TNS3: variants seen among roughly 807,000 people sequenced by gnomAD.
TNS3 encodes the protein tensin-3.
In TNS3, 45 loss-of-function variants were observed where a neutral mutation model predicts 140.9. That is an observed-to-expected ratio of 0.32 (90% CI 0.25 to 0.41). TNS3 has a LOEUF of 0.41. TNS3 is among the 10% of genes least tolerant of loss of function. The pLI is 1.00. For synonymous variants in TNS3, 815 were observed against 788.4 expected, an observed-to-expected ratio of 1.03 and a Z score of -0.56; for missense variants, 1,716 against 1,906.7, an observed-to-expected ratio of 0.90 and a Z score of 1.86.
chr7:47,302,247 G>C lies in TNS3; in HGVS notation c.3483C>G (p.Ile1161Met), dbSNP rs1425843690. Residue 1161 changes from isoleucine (I) to methionine (M), a missense_variant, in exon 23 of 31, where the codon ATC (isoleucine) becomes ATG (methionine). Physicochemically the swap from Ile to Met is conservative, Grantham distance 10. Coordinates refer to ENST00000311160, the MANE Select transcript of TNS3 (RefSeq NM_022748.12). Reference sequence around the variant, plus strand: ...TGGAAGTGTCTTGAACAAATTTCACGATCACAAGTTTATCACCTGGACTAT... The same window carrying C: ...TGGAAGTGTCTTGAACAAATTTCACCATCACAAGTTTATCACCTGGACTAT... Reference protein sequence around the residue: ...LPDSPGDKLVIVKFVQDTSKF... With the variant: ...LPDSPGDKLVMVKFVQDTSKF... 6.2e-7 allele frequency: 1 copy of C among 1,614,160 alleles called. No homozygotes were observed. The highest frequency in any genetic ancestry group is 1.7e-5 in the Admixed American group (1 of 60,028).
intron 2 of TNS3, among the ~76,000 whole-genome samples, chr7:47,517,153 T>C (rs1798805154): frequency 6.6e-6 from 1 of 152,218 alleles, no homozygotes; most frequent in African/African-American, 2.4e-5. Flanking sequence ...CACAGTGTCA[T>C]GGGGTGTGCC....
At chr7:47,557,383 CACT>C (rs968893771) in intron 1 of TNS3, among the ~76,000 whole-genome samples, 1 of 152,192 alleles carries the variant, frequency 6.6e-6, no homozygotes, top group Admixed American at 6.5e-5. Flanking sequence ...TCTGTCCCAA[CACT>C]ACTATTTAAC....
chr7:47,414,194 A>T (rs1419488626), intron 11 of TNS3, among the ~76,000 whole-genome samples, 197 bp from the exon 12 acceptor site: 1 of 152,160 alleles, frequency 6.6e-6, no homozygotes, highest in African/African-American at 2.4e-5. Context: ...CTGCAGAGCA[A>T]CACAGTTTGA....
At chr7:47,493,662 CAAAAAAA>C (rs58803590) in intron 3 of TNS3, among the ~76,000 whole-genome samples, 2 of 118,874 alleles carry the variant, frequency 1.7e-5, no homozygotes, top group South Asian at 2.8e-4. Context: ...ACTAAAAATA[CAAAAAAA>C]AAAAAAAAAA....
At chr7:47,541,137 A>C (rs1425360746) in intron 1 of TNS3, among the ~76,000 whole-genome samples, 2 of 152,128 alleles carry the variant, frequency 1.3e-5, no homozygotes, top group East Asian at 3.9e-4. Context: ...AGGTGACGGG[A>C]GATTGGTCAT....
chr7:47,422,281 T>C (rs2151465525), intron 10 of TNS3, among the ~76,000 whole-genome samples: 1 of 152,272 alleles, frequency 6.6e-6, no homozygotes, highest in Admixed American at 6.5e-5. Flanking sequence ...GCTTCAAATG[T>C]GCAATGACGG....
At chr7:47,581,431 C>G (rs1784531927) in intron 1 of TNS3, 1 of 151,926 alleles carries the variant, frequency 6.6e-6, no homozygotes, top group African/African-American at 2.4e-5. Flanking sequence ...AAGAGACGCA[C>G]TGGAGAGCTT....
intron 17 of TNS3, among the ~76,000 whole-genome samples, chr7:47,354,663 C>G (rs1161015166): frequency 6.6e-6 from 1 of 151,912 alleles, no homozygotes; most frequent in Non-Finnish European, 1.5e-5. Context: ...GTACTCAGTG[C>G]AGAAATCTCA....
At chr7:47,334,898 C>G (rs762671395) in intron 20 of TNS3, among the ~76,000 whole-genome samples, 1 of 151,968 alleles carries the variant, frequency 6.6e-6, no homozygotes, top group Non-Finnish European at 1.5e-5. Context: ...TGAGCCACTG[C>G]GCCTGGCGAG....
At chr7:47,560,886 G>A (rs1800307260) in intron 1 of TNS3, among the ~76,000 whole-genome samples, 1 of 152,190 alleles carries the variant, frequency 6.6e-6, no homozygotes, top group Non-Finnish European at 1.5e-5. Context: ...GTGACCTTGT[G>A]TGACCCCCAC....
intron 4 of TNS3, 46 bp downstream of exon 4, chr7:47,481,057 C>T (rs752552517): frequency 6.1e-5 from 78 of 1,284,560 alleles, no homozygotes; most frequent in Non-Finnish European, 7.6e-5. Flanking sequence ...GGACTTAGTC[C>T]TTTCTTGGAT....
intron 1 of TNS3, among the ~76,000 whole-genome samples, chr7:47,568,779 G>T (rs978310944): frequency 6.6e-6 from 1 of 152,240 alleles, no homozygotes; most frequent in Non-Finnish European, 1.5e-5. Flanking sequence ...TGGCACCCAC[G>T]TGATACCCTG....
intron 1 of TNS3, among the ~76,000 whole-genome samples, chr7:47,576,324 T>A (rs754442069): frequency 5.3e-5 from 8 of 151,988 alleles, no homozygotes; most frequent in Non-Finnish European, 8.8e-5. Flanking sequence ...ACCCCTGAGC[T>A]CCGGAACCAG....
At chr7:47,478,135 G>C (rs1197290541) in intron 4 of TNS3, among the ~76,000 whole-genome samples, 1 of 152,178 alleles carries the variant, frequency 6.6e-6, no homozygotes. Flanking sequence ...GCACGCCCAC[G>C]GGCTGATCTC....
intron 20 of TNS3, among the ~76,000 whole-genome samples, chr7:47,324,195 C>G (rs1376755184): frequency 6.6e-6 from 1 of 152,178 alleles, no homozygotes; most frequent in Non-Finnish European, 1.5e-5. Context: ...TTTATCTGTC[C>G]TTGTACCAGC....
chr7:47,286,029 A>G (rs1266210219), intron 27 of TNS3, among the ~76,000 whole-genome samples: 1 of 152,204 alleles, frequency 6.6e-6, no homozygotes, highest in Non-Finnish European at 1.5e-5. Context: ...GGAGAATTCA[A>G]AACAGACTTC....
chr7:47,384,874 C>T (rs535494675), intron 16 of TNS3, among the ~76,000 whole-genome samples: 1 of 152,362 alleles, frequency 6.6e-6, no homozygotes, highest in East Asian at 1.9e-4. Context: ...CATGCCCCTG[C>T]TGATGTGCAT....
At chr7:47,548,492 T>C (rs1284328680) in intron 1 of TNS3, among the ~76,000 whole-genome samples, 3 of 152,186 alleles carry the variant, frequency 2.0e-5, no homozygotes, top group Admixed American at 6.5e-5. Context: ...TCAGACCCAG[T>C]AAGGGACACC....
chr7:47,468,314 G>A (rs1041435038), intron 4 of TNS3, among the ~76,000 whole-genome samples: 3 of 152,110 alleles, frequency 2.0e-5, no homozygotes, highest in African/African-American at 7.2e-5. Flanking sequence ...GGTGGCACAC[G>A]CATATAATCG....
Sources: allele counts gnomAD v4.1 joint callset (sites outside exome capture counted in the v4.1 genomes callset), GRCh38; gene constraint gnomAD v4.1.1; transcripts MANE v1.5; gene names NCBI Gene and HGNC (gene_info 2026-07-23, HGNC 2026-07-21).